Variants in DAB1 observed in about 807,000 individuals in gnomAD.
DAB1 encodes the protein disabled homolog 1.
Under a neutral mutation model 64.6 loss-of-function variants are expected in DAB1, and 15 were observed. The observed-to-expected ratio is 0.23, with a 90% CI of 0.16 to 0.36. The LOEUF (loss-of-function observed/expected upper bound fraction) is 0.36. Ranked by LOEUF, DAB1 falls within the 10% of genes least tolerant of loss-of-function variation. The pLI, the probability that DAB1 is intolerant of heterozygous loss-of-function variation, is 1.00. For synonymous variants in DAB1, 235 were observed against 251.9 expected, an observed-to-expected ratio of 0.93 and a Z score of 0.64; for missense variants, 596 against 706.7, an observed-to-expected ratio of 0.84 and a Z score of 1.78.
upstream of DAB1, among the ~76,000 whole-genome samples, chr1:57,888,752 T>A (rs1261576512): frequency 6.6e-6 from 1 of 152,226 alleles, no homozygotes; most frequent in Admixed American, 6.5e-5. Flanking sequence ...AATCAGATAG[T>A]GCACAAATGA....
intron 5 of DAB1, among the ~76,000 whole-genome samples, chr1:57,903,147 C>A (rs1367983015): frequency 2.0e-5 from 3 of 152,142 alleles, no homozygotes; most frequent in African/African-American, 7.2e-5. Flanking sequence ...TCAATTACCT[C>A]CCACCAGGTC....
At chr1:58,051,645 G>C (rs1245388082) in intron 5 of DAB1, among the ~76,000 whole-genome samples, 3 of 152,108 alleles carry the variant, frequency 2.0e-5, no homozygotes, top group African/African-American at 7.2e-5. Context: ...AATGGTTGAA[G>C]CAATTTACAC....
chr1:57,571,569 C>CA (rs1015165763), intron 7 of DAB1, among the ~76,000 whole-genome samples: 37 of 151,802 alleles, frequency 2.4e-4, no homozygotes, highest in African/African-American at 8.2e-4. Flanking sequence ...TACATCCTCT[C>CA]AAAAAATTAC....
intron 6 of DAB1, among the ~76,000 whole-genome samples, chr1:57,709,311 T>C (rs575805297): frequency 3.3e-5 from 5 of 152,336 alleles, no homozygotes; most frequent in Admixed American, 1.3e-4. Flanking sequence ...ATAGTTTACA[T>C]TGGTAGAAAT....
rs1200742923 is a variant in DAB1, at chr1:58,378,181, G to A, written n.258-34778C>T. On this transcript the variant is annotated intron_variant and non_coding_transcript_variant, in intron 3 of 20. Transcript: ENST00000485760. The stretch of plus-strand genomic sequence containing the variant: ...GTCTGAAGCCTTCTTCTCTCAGCTT[G>A]TCAAAATCATTCTCCATCCAGCTTT... Among the ~76,000 whole-genome samples, 7 of 119,626 alleles carry A rather than the reference G, an allele frequency of 5.9e-5. 1 individual carries two copies. The highest frequency in any genetic ancestry group is 2.2e-4 in the East Asian group (1 of 4,516). The allele number at this position is 119,626 out of a possible 152,430, so 78.5% of individuals were successfully genotyped here. A position where few individuals can be genotyped will look rare whatever the true frequency, so the allele number is the denominator to read the frequency against.
At chr1:57,408,627 C>T (rs901994556) in intron 1 of DAB1, among the ~76,000 whole-genome samples, 9 of 152,128 alleles carry the variant, frequency 5.9e-5, no homozygotes, top group African/African-American at 2.2e-4. Flanking sequence ...CAGAGTCCAC[C>T]GCCAGCTGAG....
At chr1:57,474,269 A>G (rs965592979) in intron 7 of DAB1, among the ~76,000 whole-genome samples, 5 of 152,232 alleles carry the variant, frequency 3.3e-5, no homozygotes, top group Admixed American at 6.5e-5. Context: ...AGAGCCTGAT[A>G]CTTGACAATT....
At chr1:58,360,482 T>G (rs767296670) in intron 3 of DAB1, among the ~76,000 whole-genome samples, 5 of 152,166 alleles carry the variant, frequency 3.3e-5, no homozygotes, top group Non-Finnish European at 5.9e-5. Flanking sequence ...GCACTGAGAC[T>G]AAGTCCGTTC....
At chr1:57,474,457 A>C (rs1431828759) in intron 7 of DAB1, among the ~76,000 whole-genome samples, 4 of 152,214 alleles carry the variant, frequency 2.6e-5, no homozygotes, top group Non-Finnish European at 5.9e-5. Flanking sequence ...ACAATGAGAT[A>C]ATTTGGTGAA....
intron 2 of DAB1, among the ~76,000 whole-genome samples, chr1:57,287,920 C>T (rs1013023796): frequency 2.0e-5 from 3 of 151,910 alleles, no homozygotes; most frequent in Non-Finnish European, 2.9e-5. Flanking sequence ...CTCAGCCTCC[C>T]GAGTAGCTGG....
intron 1 of DAB1, among the ~76,000 whole-genome samples, chr1:57,321,923 T>C (rs891489688): frequency 2.0e-5 from 3 of 152,128 alleles, no homozygotes; most frequent in Non-Finnish European, 2.9e-5. Context: ...CTAGAACATT[T>C]CCAAAGATAG....
intron 2 of DAB1, among the ~76,000 whole-genome samples, chr1:58,517,047 G>A (rs1054485132): frequency 6.6e-6 from 1 of 152,078 alleles, no homozygotes; most frequent in African/African-American, 2.4e-5. Flanking sequence ...CCAAAAAAAG[G>A]ATACAAGCCA....
intron 2 of DAB1, among the ~76,000 whole-genome samples, chr1:58,508,971 C>A (rs922380223): frequency 6.6e-6 from 1 of 152,084 alleles, no homozygotes; most frequent in African/African-American, 2.4e-5. Context: ...ATGGACCAGA[C>A]AGGACCCTAG....
intron 5 of DAB1, among the ~76,000 whole-genome samples, chr1:57,946,282 A>C (rs543115043): frequency 6.6e-6 from 1 of 152,216 alleles, no homozygotes; most frequent in African/African-American, 2.4e-5. Flanking sequence ...TGGGGCAGAC[A>C]ACTAACTATA....
At chr1:57,740,584 G>A (rs1230426011) in intron 6 of DAB1, among the ~76,000 whole-genome samples, 2 of 152,218 alleles carry the variant, frequency 1.3e-5, no homozygotes, top group African/African-American at 4.8e-5. Flanking sequence ...AAGTGCTAGG[G>A]TTCAAATCCT....
chr1:57,541,011 G>A (rs372547884), intron 7 of DAB1, among the ~76,000 whole-genome samples: 12 of 152,268 alleles, frequency 7.9e-5, no homozygotes, highest in African/African-American at 2.6e-4. Flanking sequence ...ATAAATGCTC[G>A]AGGCGATGGA....
At chr1:57,643,422 A>G (rs957596041) in intron 7 of DAB1, among the ~76,000 whole-genome samples, 2 of 152,132 alleles carry the variant, frequency 1.3e-5, no homozygotes, top group African/African-American at 4.8e-5. Context: ...ATTTGTAGTC[A>G]GATTTATAAT....
At chr1:57,672,340 T>C (rs1168038752) in intron 6 of DAB1, among the ~76,000 whole-genome samples, 1 of 152,204 alleles carries the variant, frequency 6.6e-6, no homozygotes, top group Non-Finnish European at 1.5e-5. Flanking sequence ...GTTAATATCA[T>C]AAGTGTTCAG....
chr1:57,441,327 TC>T (rs1685949992), intron 7 of DAB1, among the ~76,000 whole-genome samples: 1 of 79,118 alleles, frequency 1.3e-5, no homozygotes, highest in South Asian at 4.8e-4. Flanking sequence ...TCTTCTTTCC[TC>T]CTTCTTCTTT....
Sources: gnomAD v4.1 joint callset for allele counts (sites outside exome capture counted in the v4.1 genomes callset) on GRCh38, gnomAD v4.1.1 for gene constraint, MANE v1.5 for transcripts, NCBI Gene and HGNC (gene_info 2026-07-23, HGNC 2026-07-21) for gene names.